SMPX: variants seen among roughly 807,000 people sequenced by gnomAD.
SMPX encodes the protein small muscle protein X-linked, also known as small muscular protein.
A neutral mutation model predicts 6.3 loss-of-function variants in SMPX; 2 were observed. The ratio of observed to expected loss-of-function variants is 0.32; its 90% CI spans 0.13 to 0.99. SMPX has a LOEUF of 0.99. SMPX is among the 50% of genes least tolerant of loss of function. The pLI is 0.49. For synonymous variants in SMPX, 32 were observed against 24.7 expected (o/e 1.30, Z -0.88); for missense variants, 60 against 66.8 (o/e 0.90, Z 0.36).
intron 4 of SMPX, among the ~76,000 whole-genome samples, chrX:21,718,394 GC>G (rs1309465203): frequency 1.8e-5 from 2 of 112,187 alleles, no homozygotes; most frequent in Non-Finnish European, 1.9e-5. Flanking sequence ...ATTAGCAAAG[GC>G]CCAGGGGCTC....
At chrX:21,728,214 TTCTCTCTCTCTCTCTCTCTCTCTCTC>T (rs61469484) in intron 4 of SMPX, among the ~76,000 whole-genome samples, 3,551 of 48,356 alleles carry the variant, frequency 0.073, 284 homozygotes, top group African/African-American at 0.23. Context: ...TTCCCCTCCT[TTCTCTCTCTCTCTCTCTCTCTCTCTC>T]TCTCTCTCTC....
intron 4 of SMPX, among the ~76,000 whole-genome samples, chrX:21,732,430 A>G (rs2092806003): frequency 8.9e-6 from 1 of 111,807 alleles, no homozygotes; most frequent in South Asian, 3.8e-4. Flanking sequence ...AACAATGTTA[A>G]CTATGGACCT....
intron 4 of SMPX, chrX:21,727,321 T>G (rs775303239): frequency 1.8e-5 from 2 of 112,325 alleles, no homozygotes; most frequent in South Asian, 7.4e-4. Context: ...AATAAACCTG[T>G]TGGGGTAGTT....
intron 2 of SMPX, among the ~76,000 whole-genome samples, chrX:21,749,411 T>C (rs1419278807): frequency 1.8e-5 from 2 of 111,724 alleles, no homozygotes; most frequent in Admixed American, 9.5e-5. Flanking sequence ...AAAGGTTGAG[T>C]TCTTTAAAAG....
chrX:21,726,301 G>A (rs770717225), intron 4 of SMPX, among the ~76,000 whole-genome samples: 13 of 111,934 alleles, frequency 1.2e-4, no homozygotes, highest in African/African-American at 4.2e-4. Context: ...ACTTCTTCTC[G>A]CAGAACTCAG....
At chrX:21,724,018 G>A (rs1380770741) in intron 4 of SMPX, among the ~76,000 whole-genome samples, 2 of 112,221 alleles carry the variant, frequency 1.8e-5, no homozygotes, top group Non-Finnish European at 3.8e-5. Flanking sequence ...GGTTGCTGGG[G>A]TGGCCTGCTC....
intron 4 of SMPX, among the ~76,000 whole-genome samples, chrX:21,714,137 G>T (rs2092781715): frequency 9.0e-6 from 1 of 111,705 alleles, no homozygotes; most frequent in African/African-American, 3.3e-5. Flanking sequence ...AAAAGAAAGG[G>T]AGAGGAAAAG....
At chrX:21,718,931 T>C (rs946031174) in intron 4 of SMPX, among the ~76,000 whole-genome samples, 1 of 112,621 alleles carries the variant, frequency 8.9e-6, no homozygotes, top group African/African-American at 3.2e-5. Context: ...TTTCATTTCA[T>C]AGATGACTAT....
chrX:21,729,689 G>T (rs191449054), intron 4 of SMPX, among the ~76,000 whole-genome samples: 97 of 111,694 alleles, frequency 8.7e-4, no homozygotes, highest in Admixed American at 6.8e-3. Context: ...CACCAAGCTG[G>T]CTGAAGCAAA....
chrX:21,709,026 GT>G (rs369967059), intron 4 of SMPX, among the ~76,000 whole-genome samples: 184 of 112,647 alleles, frequency 1.6e-3, no homozygotes, highest in African/African-American at 5.7e-3. Flanking sequence ...CAGTGTGTGT[GT>G]TACCACATTT....
chrX:21,749,624 A>G (rs1218134615), intron 2 of SMPX, among the ~76,000 whole-genome samples: 1 of 112,034 alleles, frequency 8.9e-6, no homozygotes, highest in Non-Finnish European at 1.9e-5. Context: ...GGGCTTGACT[A>G]TCCTACTTAC....
chrX:21,716,385 G>T (rs934626369), intron 4 of SMPX, among the ~76,000 whole-genome samples: 1 of 112,142 alleles, frequency 8.9e-6, no homozygotes, highest in Non-Finnish European at 1.9e-5. Flanking sequence ...CCACTGTGGA[G>T]ACATTTTCAC....
chrX:21,707,688 C>T (rs1306258593), intron 4 of SMPX, among the ~76,000 whole-genome samples: 1 of 112,479 alleles, frequency 8.9e-6, no homozygotes, highest in Non-Finnish European at 1.9e-5. Context: ...GCCTATGCCT[C>T]AAAAGGTATC....
intron 2 of SMPX, among the ~76,000 whole-genome samples, chrX:21,750,891 T>A (rs1269879737): frequency 5.3e-5 from 6 of 112,276 alleles, no homozygotes; most frequent in Non-Finnish European, 1.1e-4. Flanking sequence ...GGAATTTGTA[T>A]ACTATAGATT....
chrX:21,710,218 C>T (rs956792013), intron 4 of SMPX, among the ~76,000 whole-genome samples: 1 of 112,055 alleles, frequency 8.9e-6, no homozygotes, highest in Non-Finnish European at 1.9e-5. Flanking sequence ...TGAAATACTA[C>T]TCATCTATAA....
At chrX:21,718,574 T>C (rs778196990) in intron 4 of SMPX, among the ~76,000 whole-genome samples, 1 of 112,393 alleles carries the variant, frequency 8.9e-6, no homozygotes, top group Admixed American at 9.4e-5. Context: ...TTCTGGCAAT[T>C]TGCAGTATTT....
intron 4 of SMPX, among the ~76,000 whole-genome samples, chrX:21,708,911 T>G (rs189580299): frequency 8.9e-6 from 1 of 112,447 alleles, no homozygotes; most frequent in Admixed American, 9.4e-5. Context: ...TCATGCAGTA[T>G]TTGTCCTTGT....
At chrX:21,757,516 T>C (rs765072289) in intron 1 of SMPX, among the ~76,000 whole-genome samples, 4 of 111,910 alleles carry the variant, frequency 3.6e-5, no homozygotes, top group Non-Finnish European at 7.5e-5. Flanking sequence ...ACTTGTACTG[T>C]ATAAAAACTC....
chrX:21,708,505 T>C (rs1371296310), intron 4 of SMPX, among the ~76,000 whole-genome samples: 1 of 112,272 alleles, frequency 8.9e-6, no homozygotes, highest in South Asian at 3.7e-4. Context: ...ATGAAATACA[T>C]AGAAGTTCAA....
Sources: allele counts gnomAD v4.1 joint callset (sites outside exome capture counted in the v4.1 genomes callset), GRCh38; gene constraint gnomAD v4.1.1; transcripts MANE v1.5; gene names NCBI Gene and HGNC (gene_info 2026-07-23, HGNC 2026-07-21).